TOPBP1: variants seen among roughly 807,000 people sequenced by gnomAD.
The protein encoded by TOPBP1 is DNA topoisomerase II binding protein 1, also known as DNA topoisomerase 2-binding protein 1.
Under a neutral mutation model 167.7 loss-of-function variants are expected in TOPBP1, and 28 were observed. That is an observed-to-expected ratio of 0.17 (90% CI 0.12 to 0.23). TOPBP1 has a LOEUF of 0.23. Among genes scored for constraint, TOPBP1 ranks in the 10% least tolerant of loss-of-function variants. The pLI, the probability that TOPBP1 is intolerant of heterozygous loss-of-function variation, is 1.00. For synonymous variants in TOPBP1, 598 were observed against 611.4 expected (o/e 0.98, Z 0.32); for missense variants, 1,554 against 1,809.6 (o/e 0.86, Z 2.56).
rs1296047334 is a variant in TOPBP1 at position 133,653,530 on chromosome 3, G to A, written c.743-6C>T. 6.5e-7 allele frequency: 1 copy of A among 1,529,944 alleles called. No homozygotes were observed. The highest frequency in any genetic ancestry group is 1.3e-5 in the South Asian group (1 of 78,104). The allele number at this position is 1,529,944 out of a possible 1,614,324, so 94.8% of individuals were successfully genotyped here. On this transcript the variant is annotated splice_region_variant and splice_polypyrimidine_tract_variant and intron_variant, in intron 6 of 27. Coordinates refer to ENST00000260810, the MANE Select transcript of TOPBP1 (RefSeq NM_007027.4). ...GGCACACTCATACTTCTGACCTGTG[G>A]CGTTCATTAAGAAAGAAATAGAGAA...
At chr3:133,661,578 G>A (rs982422680) in intron 1 of TOPBP1, among the ~76,000 whole-genome samples, 191 bp downstream of exon 1, 49 of 152,304 alleles carry the variant, frequency 3.2e-4, no homozygotes, top group Middle Eastern at 3.4e-3. Flanking sequence ...AGATGCTCCG[G>A]TTCCCATCTC....
rs201889358 is a variant in TOPBP1, at chr3:133,655,360, C to T, written c.672G>A (p.Lys224=). The T allele has an allele frequency of 3.1e-6, 5 of 1,607,844 alleles. No homozygotes were observed. Among genetic ancestry groups the T allele is most frequent in the Non-Finnish European group, 4.2e-6 (5 of 1,177,160 alleles). ...ATTGTCCCATGTATTGACCTCCATG[C>T]TTAACTGTGAGTTGCTGAACTTCTT... ...DRKEVQQLTV[K]HGGQYMGQLK... The change falls in exon 6 of 28, where the codon AAG becomes AAA. Residue 224 remains lysine, a synonymous_variant. Transcript: ENST00000260810.
Position 133,628,748 on chromosome 3 carries a change from GAGAGAGAGAGATGGAGAAAAGA to G in TOPBP1, c.2521-37_2521-16del. 1 of 1,540,866 alleles carries G rather than the reference GAGAGAGAGAGATGGAGAAAAGA, an allele frequency of 6.5e-7. No homozygotes were observed. The highest frequency in any genetic ancestry group is 8.8e-7 in the Non-Finnish European group (1 of 1,139,546). On this transcript the variant is annotated splice_polypyrimidine_tract_variant and intron_variant, in intron 14 of 27. Coordinates refer to ENST00000260810, the MANE Select transcript of TOPBP1 (RefSeq NM_007027.4). ...GCAAGTGCATCCTATACATATGAAGGAGAGAGAGAGATGGAGAAAAGAAGAGAGAGAGAGAGAAGCAAGATGG... is the reference window on the plus strand; with the variant it reads ...GCAAGTGCATCCTATACATATGAAGGAGAGAGAGAGAGAGAAGCAAGATGG...
At chr3:133,605,160 T>C (rs1191094607) in intron 27 of TOPBP1, among the ~76,000 whole-genome samples, 1 of 150,250 alleles carries the variant, frequency 6.7e-6, no homozygotes, top group Non-Finnish European at 1.5e-5. Context: ...GATCAAGCCA[T>C]TGCACTCCAG....
At chr3:133,631,657 T>C (rs954141879) in intron 14 of TOPBP1, among the ~76,000 whole-genome samples, 4 of 152,128 alleles carry the variant, frequency 2.6e-5, no homozygotes, top group Non-Finnish European at 5.9e-5. Flanking sequence ...TCTCATGATA[T>C]CTGGTTTGAG....
chr3:133,642,496 C>A (rs1935924407), intron 12 of TOPBP1, among the ~76,000 whole-genome samples: 1 of 152,176 alleles, frequency 6.6e-6, no homozygotes. Context: ...CTGATTATAT[C>A]ACTGTAGTAT....
At chr3:133,659,762 TTATA>T (rs10662614) in intron 2 of TOPBP1, among the ~76,000 whole-genome samples, 2 of 151,470 alleles carry the variant, frequency 1.3e-5, no homozygotes, top group African/African-American at 4.9e-5. Context: ...AAATACGTAT[TTATA>T]TATATATATA....
rs1317146992 is a variant in TOPBP1, at chr3:133,601,044, T to G, written c.*206A>C. On this transcript the variant is annotated 3_prime_UTR_variant, in exon 28 of 28. Transcript: ENST00000260810. ...CTGAGGAGTTGTATTTTGTTGTTAT[T>G]TCAGGTAACTTTTTATTAAGAAACA... The G allele has an allele frequency of 5.2e-6, 2 of 381,152 alleles. No individual in the cohort carries two copies. Among genetic ancestry groups the G allele is most frequent in the Non-Finnish European group, 9.4e-6 (2 of 211,902 alleles). 23.6% of individuals were successfully genotyped at this position (381,152 alleles called of 1,614,324 possible). A position where few individuals can be genotyped will look rare whatever the true frequency, so the allele number is the denominator to read the frequency against.
At chr3:133,607,108 T>C (rs80164721) in intron 27 of TOPBP1, among the ~76,000 whole-genome samples, 35 of 152,250 alleles carry the variant, frequency 2.3e-4, no homozygotes, top group African/African-American at 8.2e-4. Context: ...GTTGGCAAAA[T>C]ATGGAATAAC....
intron 14 of TOPBP1, among the ~76,000 whole-genome samples, chr3:133,634,916 G>C (rs1406042769): frequency 2.0e-5 from 3 of 152,112 alleles, no homozygotes; most frequent in Admixed American, 1.3e-4. Context: ...CAAAACGAGG[G>C]TGGGGTCTGT....
At chr3:133,605,312 A>G (rs1018415875) in intron 27 of TOPBP1, among the ~76,000 whole-genome samples, 2 of 152,096 alleles carry the variant, frequency 1.3e-5, no homozygotes, top group Non-Finnish European at 2.9e-5. Context: ...TTGTGATGCC[A>G]GCAAAACGCT....
chr3:133,659,648 CCA>C (rs1475423725), intron 2 of TOPBP1, among the ~76,000 whole-genome samples: 3 of 152,168 alleles, frequency 2.0e-5, no homozygotes, highest in Non-Finnish European at 4.4e-5. Context: ...ACTTAATCCC[CCA>C]CTTCAATCAG....
Position 133,620,206 on chromosome 3 carries a change from T to C in TOPBP1, c.3320A>G (p.Asp1107Gly). Residue 1107 changes from aspartate to glycine, a missense_variant, in exon 20 of 28, where the codon GAC (aspartate) becomes GGC (glycine). By Grantham distance (94) the Asp-to-Gly change is moderately conservative. This residue lies in a region of TOPBP1 where 1,197 missense variants were observed against 1,351.5 expected (regional missense o/e 0.89). Coordinates refer to ENST00000260810, the MANE Select transcript of TOPBP1 (RefSeq NM_007027.4). ...TCCACTGCGAGCAGAGCGAGTGCTG[T>C]CAGGGGTTGAAGATGCGCTGTTACA... Reference protein sequence around the residue: ...SGCNSASSTPDSTRSARSGRS... With the variant: ...SGCNSASSTPGSTRSARSGRS... The C allele has an allele frequency of 1.9e-6, 3 of 1,613,932 alleles. No individual in the cohort carries two copies. Among genetic ancestry groups the C allele is most frequent in the Non-Finnish European group, 2.5e-6 (3 of 1,179,858 alleles).
chr3:133,617,473 C>T, intron 21 of TOPBP1, 147 bp from the exon 22 acceptor site: 4 of 800,508 alleles, frequency 5.0e-6, no homozygotes, highest in Non-Finnish European at 7.1e-6. Flanking sequence ...TATCCTATCC[C>T]CAGAACTTAT....
intron 23 of TOPBP1, among the ~76,000 whole-genome samples, chr3:133,616,045 A>C (rs1934860904): frequency 6.6e-6 from 1 of 152,030 alleles, no homozygotes. Context: ...TGTCAGGTGG[A>C]GAGCCTGACA....
rs532343890 is a variant in TOPBP1 at position 133,620,576 on chromosome 3, C to CT, written c.3179-230dup. 5.9e-3 allele frequency among the ~76,000 whole-genome samples: 802 copies of CT among 135,054 alleles called. 4 individuals carry two copies. The highest frequency in any genetic ancestry group is 0.015 in the African/African-American group (552 of 36,734). The allele number at this position is 135,054 out of a possible 152,430, so 88.6% of individuals were successfully genotyped here. A position where few individuals can be genotyped will look rare whatever the true frequency, so the allele number is the denominator to read the frequency against. On this transcript the variant is annotated intron_variant, in intron 19 of 27. Transcript: ENST00000260810. ...AAATAACTAGGAAGCCCTTCAAATA[C>CT]TTTTTTTTTTTTTTTTTTGGTGATA...
Position 133,659,027 on chromosome 3 carries a change from G to A in TOPBP1, c.208C>T (p.His70Tyr), listed in dbSNP as rs775810601. ...AGAAGTCAGCAAACCTTTTTGAGGT[G>A]ATCAAAGACAACGCCACTAAAAGGG... Reference protein sequence around the residue: ...CDPFSGVVFDHLKKLGCRIVG... With the variant: ...CDPFSGVVFDYLKKLGCRIVG... Residue 70 changes from histidine (H) to tyrosine (Y), a missense_variant, in exon 3 of 28, where the codon CAC (histidine) becomes TAC (tyrosine). His to Tyr is a moderately conservative substitution (Grantham distance 83, BLOSUM62 2). This residue lies in a region of TOPBP1 where 1,197 missense variants were observed against 1,351.5 expected (regional missense o/e 0.89). Coordinates refer to ENST00000260810, the MANE Select transcript of TOPBP1 (RefSeq NM_007027.4). The A allele has an allele frequency of 2.5e-6, 4 of 1,598,244 alleles. No individual in the cohort carries two copies. The East Asian group carries it at 6.7e-5, about 27-fold the overall frequency.
At chr3:133,636,219 T>C (rs1935668467) in intron 14 of TOPBP1, among the ~76,000 whole-genome samples, 1 of 152,172 alleles carries the variant, frequency 6.6e-6, no homozygotes, top group Non-Finnish European at 1.5e-5. Flanking sequence ...ATTAGCAGTA[T>C]ATTTATTGTA....
intron 12 of TOPBP1, among the ~76,000 whole-genome samples, chr3:133,641,499 G>A (rs543916753): frequency 6.6e-6 from 1 of 152,184 alleles, no homozygotes; most frequent in South Asian, 2.1e-4. Flanking sequence ...CCAAATAACT[G>A]AGACTACAGA....
Sources: gnomAD v4.1 joint callset for allele counts (sites outside exome capture counted in the v4.1 genomes callset) on GRCh38, gnomAD v4.1.1 for gene constraint, gnomAD v4.1.1 regional missense constraint, MANE v1.5 for transcripts, NCBI Gene and HGNC (gene_info 2026-07-23, HGNC 2026-07-21) for gene names.